MYO10: variants seen among roughly 807,000 people sequenced by gnomAD.
The protein encoded by MYO10 is unconventional myosin-X.
Under a neutral mutation model 257.3 loss-of-function variants are expected in MYO10, and 133 were observed. The observed-to-expected ratio is 0.52, with a 90% CI of 0.45 to 0.60. The LOEUF is 0.60. MYO10 is among the 20% of genes least tolerant of loss of function. The probability of loss-of-function intolerance (pLI) is 0.00; values close to 1 mark genes in which losing one functional copy is unlikely to be tolerated. For synonymous variants in MYO10, 1,104 were observed against 1,028.6 expected (o/e 1.07, Z -1.40); for missense variants, 2,399 against 2,635.7 (o/e 0.91, Z 1.97).
intron 2 of MYO10, among the ~76,000 whole-genome samples, chr5:16,825,163 C>A (rs1007076051): frequency 6.6e-6 from 1 of 152,116 alleles, no homozygotes; most frequent in Non-Finnish European, 1.5e-5. Context: ...TGCACCTCTT[C>A]CCATGTCTGG....
Position 16,925,909 on chromosome 5 carries a change from T to C in MYO10, c.21+9879A>G, listed in dbSNP as rs558944405. 8.5e-4 allele frequency among the ~76,000 whole-genome samples: 129 copies of C among 152,316 alleles called. 1 individual carries two copies. Among genetic ancestry groups the C allele is most frequent in the African/African-American group, 3.0e-3 (124 of 41,572 alleles). ...TTGCAAGACACCAGTTCAGCATCCCTAATAAAAAATCCAAACTCCAAAATG... is the reference window on the plus strand; with the variant it reads ...TTGCAAGACACCAGTTCAGCATCCCCAATAAAAAATCCAAACTCCAAAATG... On this transcript the variant is annotated intron_variant, in intron 1 of 40. Transcript: ENST00000513610.
chr5:16,679,926 G>A, intron 33 of MYO10, 21 bp downstream of exon 33: 2 of 1,611,014 alleles, frequency 1.2e-6, no homozygotes, highest in Middle Eastern at 1.7e-4. Flanking sequence ...CACCCACCTT[G>A]ATGGGCTTGT....
intron 10 of MYO10, 55 bp from the exon 11 acceptor site, chr5:16,766,253 G>T: frequency 7.4e-7 from 1 of 1,349,938 alleles, no homozygotes; most frequent in Non-Finnish European, 1.1e-6. Flanking sequence ...AAGCTAACCA[G>T]GCTTAGCGAT....
At chr5:16,756,429 G>T (rs1318506823) in intron 18 of MYO10, among the ~76,000 whole-genome samples, 1 of 152,016 alleles carries the variant, frequency 6.6e-6, no homozygotes, top group Non-Finnish European at 1.5e-5. Flanking sequence ...CATTGTAATT[G>T]GTGGATGCAT....
intron 2 of MYO10, among the ~76,000 whole-genome samples, chr5:16,833,217 G>T (rs1219979310): frequency 4.2e-4 from 60 of 143,688 alleles, no homozygotes; most frequent in East Asian, 2.0e-4. Flanking sequence ...TACTAGGTTT[G>T]TTTTTTTTTT....
chr5:16,758,890 C>T (rs1357687567), intron 17 of MYO10, among the ~76,000 whole-genome samples: 2 of 151,982 alleles, frequency 1.3e-5, no homozygotes, highest in Non-Finnish European at 2.9e-5. Flanking sequence ...AAATCCATTG[C>T]TACTATTAAC....
At chr5:16,898,932 G>GGTCAGTAGTT (rs1208710752) in intron 1 of MYO10, among the ~76,000 whole-genome samples, 1 of 72,800 alleles carries the variant, frequency 1.4e-5, no homozygotes, top group Non-Finnish European at 3.3e-5. Context: ...GATCACCTGA[G>GGTCAGTAGTT]CCTGGCCACC....
rs141330949 is a variant in MYO10 at position 16,934,989 on chromosome 5, A to G, written c.21+799T>C. ...CAAACCTCAAACTTAAACAGAATTT[A>G]TTAAATAAACACAACCAAGAAAGGA... On this transcript the variant is annotated intron_variant, in intron 1 of 40. Transcript: ENST00000513610. Among the ~76,000 whole-genome samples, 65 of 152,338 alleles carry G rather than the reference A, an allele frequency of 4.3e-4. 1 individual carries two copies. Among genetic ancestry groups the G allele is most frequent in the African/African-American group, 1.5e-3 (64 of 41,584 alleles).
At chr5:16,839,834 G>A (rs1403646350) in intron 2 of MYO10, among the ~76,000 whole-genome samples, 3 of 152,158 alleles carry the variant, frequency 2.0e-5, no homozygotes, top group Non-Finnish European at 4.4e-5. Flanking sequence ...GGATGTTTAA[G>A]GTAGGCTAGG....
chr5:16,727,847 A>ACATACACT (rs1476611542), intron 19 of MYO10, among the ~76,000 whole-genome samples: 1 of 149,520 alleles, frequency 6.7e-6, no homozygotes, highest in Non-Finnish European at 1.5e-5. Context: ...AAACTGGGGC[A>ACATACACT]CATACACTCC....
At chr5:16,880,937 C>A (rs1031493226) in intron 1 of MYO10, among the ~76,000 whole-genome samples, 2 of 152,174 alleles carry the variant, frequency 1.3e-5, no homozygotes, top group African/African-American at 2.4e-5. Flanking sequence ...CTCTTTAATT[C>A]ACATGTCAGG....
chr5:16,682,770 G>C (rs970740100), intron 30 of MYO10, among the ~76,000 whole-genome samples: 9 of 151,996 alleles, frequency 5.9e-5, no homozygotes, highest in Non-Finnish European at 1.0e-4. Context: ...ATGCAAACAG[G>C]CTAAACTTGA....
At chr5:16,706,409 A>T (rs1738344808) in intron 21 of MYO10, among the ~76,000 whole-genome samples, 1 of 152,198 alleles carries the variant, frequency 6.6e-6, no homozygotes, top group South Asian at 2.1e-4. Context: ...TTCCCTGTAC[A>T]TATCAAAATC....
In MYO10 at chr5:16,668,318, T is replaced by C; in HGVS notation, c.6034A>G (p.Ile2012Val). The C allele has an allele frequency of 6.2e-7, 1 of 1,613,904 alleles. No homozygotes were observed. Among genetic ancestry groups the C allele is most frequent in the Non-Finnish European group, 8.5e-7 (1 of 1,179,856 alleles). The change falls in exon 40 of 41, where the codon ATC becomes GTC. Residue 2012 changes from isoleucine (I) to valine (V), a missense_variant. By Grantham distance (29) the Ile-to-Val change is conservative. Transcript: ENST00000513610. ...AGCAGCTCCCTCTCATCGACCACGATCTTATACGTATTCGCCAGGGGTGCC... is the reference window on the plus strand; with the variant it reads ...AGCAGCTCCCTCTCATCGACCACGACCTTATACGTATTCGCCAGGGGTGCC... ...FGAPLANTYK[I>V]VVDERELLFE...
chr5:16,835,502 T>TTG (rs1561010071), intron 2 of MYO10, among the ~76,000 whole-genome samples: 5 of 144,310 alleles, frequency 3.5e-5, no homozygotes, highest in African/African-American at 1.0e-4. Flanking sequence ...GTTTTTTTTT[T>TTG]TTTTTTTTTT....
Position 16,768,923 on chromosome 5 carries a change from G to A in MYO10, c.1060+151C>T, listed in dbSNP as rs10045158. The stretch of plus-strand genomic sequence containing the variant: ...ACTCCTGGGCTCAAGCAATCTGCCC[G>A]CCTCCACCTCCCAAAGTGCTGGGGT... On this transcript the variant is annotated intron_variant, in intron 10 of 40. Transcript: ENST00000513610. 3,626 of 934,298 alleles carry A rather than the reference G, an allele frequency of 3.9e-3. 75 individuals carry two copies. The African/African-American group carries it at 0.055, about 14-fold the overall frequency. 57.9% of individuals were successfully genotyped at this position (934,298 alleles called of 1,614,324 possible). A position where few individuals can be genotyped will look rare whatever the true frequency, so the allele number is the denominator to read the frequency against.
intron 2 of MYO10, among the ~76,000 whole-genome samples, chr5:16,871,393 TC>T (rs1213958061): frequency 6.6e-6 from 1 of 152,140 alleles, no homozygotes; most frequent in Non-Finnish European, 1.5e-5. Context: ...GGCAGGCAGA[TC>T]GCTTGAGCTC....
intron 19 of MYO10, among the ~76,000 whole-genome samples, chr5:16,748,269 C>T (rs893402833): frequency 4.0e-5 from 6 of 151,898 alleles, no homozygotes; most frequent in African/African-American, 1.2e-4. Context: ...TTTTCTGAGA[C>T]AGAGTCTCAC....
At position 16,698,623 on chromosome 5, in the gene MYO10, G is replaced by GTT. The variant is rs5866202; in HGVS notation, c.3556+825_3556+826dup. Among the ~76,000 whole-genome samples the GTT allele has an allele frequency of 8.9e-4, 101 of 113,816 alleles. 5 individuals carry two copies. The highest frequency in any genetic ancestry group is 1.1e-3 in the Non-Finnish European group (67 of 58,962). 74.7% of individuals were successfully genotyped at this position (113,816 alleles called of 152,430 possible). A position where few individuals can be genotyped will look rare whatever the true frequency, so the allele number is the denominator to read the frequency against. Reference sequence around the variant, plus strand: ...TATCCCTGGCAGGAGAGAACATGCAGTTTTTTTTTTTTTTTTTTGAGACAG... The same window carrying GTT: ...TATCCCTGGCAGGAGAGAACATGCAGTTTTTTTTTTTTTTTTTTTTGAGACAG... On this transcript the variant is annotated intron_variant, in intron 26 of 40. Coordinates refer to ENST00000513610, the MANE Select transcript of MYO10 (RefSeq NM_012334.3).
Sources: gnomAD v4.1 joint callset for allele counts (sites outside exome capture counted in the v4.1 genomes callset) on GRCh38, gnomAD v4.1.1 for gene constraint, MANE v1.5 for transcripts, NCBI Gene and HGNC (gene_info 2026-07-23, HGNC 2026-07-21) for gene names.